The following PCDH9 variants were observed in gnomAD, a reference collection of about 807,000 sequenced individuals.
The protein encoded by PCDH9 is protocadherin 9.
In PCDH9, 24 loss-of-function variants were observed where a neutral mutation model predicts 70.6. The ratio of observed to expected loss-of-function variants is 0.34; its 90% confidence interval spans 0.25 to 0.48. The LOEUF is 0.48. Among genes scored for constraint, PCDH9 ranks in the 20% least tolerant of loss-of-function variants. The probability of loss-of-function intolerance (pLI) is 0.99; values close to 1 mark genes in which losing one functional copy is unlikely to be tolerated. For missense variants in PCDH9, 1,281 were observed against 1,503.6 expected (o/e 0.85, Z 2.45); for synonymous variants, 562 against 558.5 (o/e 1.01, Z -0.09).
chr13:67,105,310 T>C (rs1207125287), intron 2 of PCDH9, among the ~76,000 whole-genome samples: 1 of 152,070 alleles, frequency 6.6e-6, no homozygotes, highest in Non-Finnish European at 1.5e-5. Flanking sequence ...AAAATAATAC[T>C]ATGAAGCAAA....
intron 4 of PCDH9, among the ~76,000 whole-genome samples, chr13:66,597,762 G>T (rs2077121102): frequency 6.6e-6 from 1 of 151,746 alleles, no homozygotes; most frequent in Admixed American, 6.6e-5. Flanking sequence ...ATCTGTTGCA[G>T]CAAAGGAAAC....
chr13:66,702,803 A>G (rs1401424642), intron 3 of PCDH9, among the ~76,000 whole-genome samples: 1 of 152,182 alleles, frequency 6.6e-6, no homozygotes, highest in African/African-American at 2.4e-5. Flanking sequence ...TTAAAATCTG[A>G]TCTTAATAAG....
chr13:66,702,035 CA>C (rs1403714534), intron 3 of PCDH9, among the ~76,000 whole-genome samples: 5 of 152,086 alleles, frequency 3.3e-5, no homozygotes, highest in African/African-American at 4.8e-5. Context: ...CTGAGCTGCC[CA>C]GAGTGTATTT....
chr13:66,524,194 A>C (rs1379929511), intron 4 of PCDH9, among the ~76,000 whole-genome samples: 1 of 152,162 alleles, frequency 6.6e-6, no homozygotes, highest in Non-Finnish European at 1.5e-5. Context: ...TATTGAAAGT[A>C]ATAAAAAAGT....
At chr13:66,686,463 G>C (rs1451899611) in intron 3 of PCDH9, among the ~76,000 whole-genome samples, 2 of 152,094 alleles carry the variant, frequency 1.3e-5, no homozygotes, top group African/African-American at 4.8e-5. Context: ...ATTTATAACA[G>C]CATGAGAATG....
chr13:66,569,114 G>C (rs547474329), intron 4 of PCDH9, among the ~76,000 whole-genome samples: 10 of 140,014 alleles, frequency 7.1e-5, no homozygotes, highest in African/African-American at 2.7e-4. Flanking sequence ...CAATTATCTT[G>C]CCTCAGCCTC....
intron 3 of PCDH9, among the ~76,000 whole-genome samples, chr13:66,844,910 A>T (rs1330462198): frequency 6.6e-6 from 1 of 152,218 alleles, no homozygotes; most frequent in Non-Finnish European, 1.5e-5. Flanking sequence ...GTTTAGGGAA[A>T]CTTGGGGTGT....
At chr13:66,511,614 G>A (rs1959476902) in intron 4 of PCDH9, among the ~76,000 whole-genome samples, 3 of 152,060 alleles carry the variant, frequency 2.0e-5, no homozygotes, top group Admixed American at 2.0e-4. Flanking sequence ...AATGTTAAAG[G>A]TGGGCTTGGT....
intron 2 of PCDH9, among the ~76,000 whole-genome samples, chr13:66,914,110 G>A (rs2139627828): frequency 6.6e-6 from 1 of 152,024 alleles, no homozygotes; most frequent in African/African-American, 2.4e-5. Context: ...TGTTTAAAAG[G>A]CCAGAGTGTT....
intron 2 of PCDH9, among the ~76,000 whole-genome samples, chr13:67,085,625 A>G (rs1422851141): frequency 6.6e-6 from 1 of 152,196 alleles, no homozygotes; most frequent in Non-Finnish European, 1.5e-5. Context: ...AGATTTCTCA[A>G]ACAGAGAGAG....
At chr13:66,422,477 A>T (rs1054129012) in intron 4 of PCDH9, among the ~76,000 whole-genome samples, 9 of 152,226 alleles carry the variant, frequency 5.9e-5, no homozygotes, top group African/African-American at 2.2e-4. Context: ...AGTGCAATCA[A>T]ATTGGAACTC....
At chr13:66,897,784 G>T (rs1004175953) in intron 3 of PCDH9, among the ~76,000 whole-genome samples, 4 of 151,788 alleles carry the variant, frequency 2.6e-5, no homozygotes, top group Admixed American at 1.3e-4. Context: ...TGATTTTTTT[G>T]AAAATTTATC....
At chr13:66,437,506 G>A (rs1164635316) in intron 4 of PCDH9, among the ~76,000 whole-genome samples, 1 of 151,324 alleles carries the variant, frequency 6.6e-6, no homozygotes, top group Non-Finnish European at 1.5e-5. Flanking sequence ...AGAGGAGTAG[G>A]ATTCTTATCA....
intron 2 of PCDH9, among the ~76,000 whole-genome samples, chr13:67,118,023 T>C (rs968491134): frequency 6.6e-6 from 1 of 152,206 alleles, no homozygotes; most frequent in Admixed American, 6.5e-5. Context: ...AAAGTTTCAA[T>C]ACTGAGTTTG....
chr13:66,378,187 A>T lies in PCDH9; in HGVS notation c.3341-73159T>A, dbSNP rs145572390. ...AAGAGAAGTGCAATCTGTGTGTTCA[A>T]ATGAAAATAGATTTAATCACATGAA... On this transcript the variant is annotated intron_variant, in intron 4 of 4. Coordinates refer to ENST00000377865, the MANE Select transcript of PCDH9 (RefSeq NM_203487.3). Among the ~76,000 whole-genome samples, 192 of 152,316 alleles carry T rather than the reference A, an allele frequency of 1.3e-3. 2 individuals carry two copies. The highest frequency in any genetic ancestry group is 2.2e-3 in the Non-Finnish European group (148 of 68,020).
chr13:66,892,115 T>G (rs2082105700), intron 3 of PCDH9, among the ~76,000 whole-genome samples: 1 of 151,286 alleles, frequency 6.6e-6, no homozygotes, highest in Admixed American at 6.6e-5. Context: ...AGCTAGTTTT[T>G]AATAAAAGTG....
chr13:66,311,128 T>C (rs1955551958), intron 4 of PCDH9, among the ~76,000 whole-genome samples: 2 of 152,114 alleles, frequency 1.3e-5, no homozygotes, highest in Admixed American at 1.3e-4. Context: ...ACTTTTACTC[T>C]GTAATTTTGC....
intron 3 of PCDH9, among the ~76,000 whole-genome samples, chr13:66,777,953 TA>T (rs1449674961): frequency 1.3e-5 from 2 of 151,988 alleles, no homozygotes; most frequent in Non-Finnish European, 1.5e-5. Flanking sequence ...TATGCAGCCA[TA>T]AAAAATGATG....
At chr13:67,045,721 A>G (rs2085210356) in intron 2 of PCDH9, among the ~76,000 whole-genome samples, 1 of 152,166 alleles carries the variant, frequency 6.6e-6, no homozygotes, top group East Asian at 1.9e-4. Context: ...CAATGCTCTT[A>G]TCATGTCTAG....
Sources: gnomAD v4.1 joint callset for allele counts (sites outside exome capture counted in the v4.1 genomes callset) on GRCh38, gnomAD v4.1.1 for gene constraint, MANE v1.5 for transcripts, NCBI Gene and HGNC (gene_info 2026-07-23, HGNC 2026-07-21) for gene names.